ENTHD1: variants seen among roughly 807,000 people sequenced by gnomAD.
The protein encoded by ENTHD1 is ENTH domain-containing protein 1.
Under a neutral mutation model 39.1 loss-of-function variants are expected in ENTHD1, and 23 were observed. The ratio of observed to expected loss-of-function variants is 0.59; its 90% CI spans 0.42 to 0.83. The LOEUF (loss-of-function observed/expected upper bound fraction) is 0.83, where lower values mean the gene tolerates loss of function less well. Among genes scored for constraint, ENTHD1 ranks in the 40% least tolerant of loss-of-function variants. The pLI, the probability that ENTHD1 is intolerant of heterozygous loss-of-function variation, is 0.00. For synonymous variants in ENTHD1, 230 were observed against 258.2 expected (o/e 0.89, Z 1.05); for missense variants, 624 against 705.4 (o/e 0.88, Z 1.31).
chr22:39,788,669 A>G (rs557486313), intron 5 of ENTHD1, among the ~76,000 whole-genome samples: 63 of 152,304 alleles, frequency 4.1e-4, no homozygotes, highest in African/African-American at 1.5e-3. Context: ...ATGCTACCAA[A>G]CAGCATTGCA....
At chr22:39,869,467 G>A (rs2066219368) in intron 2 of ENTHD1, among the ~76,000 whole-genome samples, 1 of 152,028 alleles carries the variant, frequency 6.6e-6, no homozygotes. Context: ...CAGGACTACT[G>A]GAAGTGGGAG....
intron 3 of ENTHD1, among the ~76,000 whole-genome samples, chr22:39,847,784 C>T (rs1318716218): frequency 6.6e-6 from 1 of 152,174 alleles, no homozygotes; most frequent in African/African-American, 2.4e-5. Context: ...AAAGGTAATA[C>T]AGTTTTATTA....
chr22:39,878,069 G>A (rs1360161724), intron 2 of ENTHD1, among the ~76,000 whole-genome samples: 1 of 152,206 alleles, frequency 6.6e-6, no homozygotes, highest in Admixed American at 6.5e-5. Flanking sequence ...TGGACAGCAT[G>A]CAGCATAGAT....
chr22:39,787,939 A>T (rs920142791), intron 5 of ENTHD1, among the ~76,000 whole-genome samples: 1 of 152,190 alleles, frequency 6.6e-6, no homozygotes, highest in Non-Finnish European at 1.5e-5. Flanking sequence ...GTGGAAGCCA[A>T]TTGCTCCTTT....
rs2066311040 is a variant in ENTHD1 at position 39,878,766 on chromosome 22, G to C, written c.349+8634C>G. Among the ~76,000 whole-genome samples the C allele has an allele frequency of 2.0e-5, 3 of 151,838 alleles. No homozygotes were observed. The South Asian group carries it at 6.2e-4, about 32-fold the overall frequency. On this transcript the variant is annotated intron_variant, in intron 2 of 6. Coordinates refer to ENST00000325157, the MANE Select transcript of ENTHD1 (RefSeq NM_152512.4). ...AAAGAAATGAACTGCATCAGAAAAG[G>C]AATAAGTGAAAATAAAAACTTTCTT... is the stretch of plus-strand genomic sequence containing the variant.
chr22:39,810,588 A>G (rs1417901806), intron 5 of ENTHD1, among the ~76,000 whole-genome samples: 2 of 152,216 alleles, frequency 1.3e-5, no homozygotes, highest in African/African-American at 4.8e-5. Flanking sequence ...GCCACCATCA[A>G]AGATTTCAAA....
At chr22:39,784,448 C>A (rs1335989154) in intron 5 of ENTHD1, among the ~76,000 whole-genome samples, 1 of 151,806 alleles carries the variant, frequency 6.6e-6, no homozygotes, top group Non-Finnish European at 1.5e-5. Flanking sequence ...TTTGCATGCC[C>A]ATGTTTATTG....
chr22:39,781,480 C>T (rs895236964), intron 5 of ENTHD1, among the ~76,000 whole-genome samples: 26 of 151,994 alleles, frequency 1.7e-4, no homozygotes, highest in African/African-American at 6.3e-4. Flanking sequence ...GGAAATACAA[C>T]ATATGAAAAT....
At position 39,797,329 on chromosome 22, in the gene ENTHD1, A is replaced by G. The variant is rs1372539039; in HGVS notation, c.832+23664T>C. ...TCCATTCATTCAGTCAGTCTATATC[A>G]TTTAAGCAGAAATTTTAATTCTTTT... On this transcript the variant is annotated intron_variant, in intron 5 of 6. Transcript: ENST00000325157. Among the ~76,000 whole-genome samples, 3 of 152,214 alleles carry G rather than the reference A, an allele frequency of 2.0e-5. No homozygotes were observed. In the East Asian group the frequency reaches 5.8e-4, roughly 29 times the overall value.
chr22:39,823,837 A>G (rs1405995658), intron 4 of ENTHD1, among the ~76,000 whole-genome samples: 2 of 152,162 alleles, frequency 1.3e-5, no homozygotes, highest in Admixed American at 6.5e-5. Flanking sequence ...TGTTGTCACT[A>G]TTTTTTAATT....
Position 39,744,171 on chromosome 22 carries a change from A to T in ENTHD1, c.1332T>A (p.Pro444=). 6.2e-7 allele frequency: 1 copy of T among 1,614,148 alleles called. No homozygotes were observed. The highest frequency in any genetic ancestry group is 1.1e-5 in the South Asian group (1 of 91,084). ...GTTGATGGGACAGAGTCCAGAAGGA[A>T]GGTCCGGCCAGAATTGGTGATAAGA... ...AHLLSPILAG[P]SFWTLSHQQL... The change falls in exon 7 of 7, where the codon CCT becomes CCA. Residue 444 remains proline (P), a synonymous_variant. Transcript: ENST00000325157.
chr22:39,744,259 GA>G lies in ENTHD1; in HGVS notation c.1243del (p.Ser415LeufsTer13). The G allele has an allele frequency of 6.2e-7, 1 of 1,603,812 alleles. No homozygotes were observed. Among genetic ancestry groups the G allele is most frequent in the Non-Finnish European group, 8.5e-7 (1 of 1,176,260 alleles). On this transcript the variant is annotated frameshift_variant, in exon 7 of 7. Transcript: ENST00000325157. LOFTEE classifies it low-confidence loss of function (END_TRUNC). Reference protein sequence around the residue: ...TRVSTASEGASSFSPLSMSSP... With the variant: ...TRVSTASEGAXSFSPLSMSSP... ...TGACATGGATAAAGGAGAAAAGGAA[GA>G]TGCTCCCTCAGAAGCAGTTGAAACT...
At chr22:39,746,749 G>T (rs894750116) in intron 6 of ENTHD1, among the ~76,000 whole-genome samples, 15 of 152,172 alleles carry the variant, frequency 9.9e-5, no homozygotes, top group Non-Finnish European at 1.5e-4. Flanking sequence ...AGGCCAGCAG[G>T]GGGAGGGGGC....
intron 3 of ENTHD1, among the ~76,000 whole-genome samples, chr22:39,852,240 G>A (rs1480958795): frequency 1.3e-5 from 2 of 151,984 alleles, no homozygotes; most frequent in Admixed American, 6.6e-5. Flanking sequence ...CAGCTACTTG[G>A]GAGGCTGAGG....
chr22:39,815,607 C>T (rs536457906), intron 5 of ENTHD1, among the ~76,000 whole-genome samples: 15 of 152,238 alleles, frequency 9.9e-5, no homozygotes, highest in African/African-American at 3.1e-4. Context: ...CATATCTAAC[C>T]GTACGGCAAT....
intron 5 of ENTHD1, among the ~76,000 whole-genome samples, chr22:39,788,257 G>C (rs2065475291): frequency 6.6e-6 from 1 of 152,174 alleles, no homozygotes; most frequent in Non-Finnish European, 1.5e-5. Context: ...ATGTCATTAA[G>C]AACATTTGTG....
At chr22:39,874,209 G>A (rs1478543690) in intron 2 of ENTHD1, 2 of 152,158 alleles carry the variant, frequency 1.3e-5, no homozygotes, top group African/African-American at 2.4e-5. Flanking sequence ...TGGAATTCAC[G>A]ATGAGATATG....
At chr22:39,888,556 T>C (rs979415540) in intron 1 of ENTHD1, among the ~76,000 whole-genome samples, 12 of 151,896 alleles carry the variant, frequency 7.9e-5, no homozygotes, top group Admixed American at 6.6e-4. Flanking sequence ...GCCTCCTGAG[T>C]AGCTGGGATT....
At chr22:39,826,196 T>C (rs113237197) in intron 4 of ENTHD1, among the ~76,000 whole-genome samples, 16 of 152,326 alleles carry the variant, frequency 1.1e-4, no homozygotes, top group African/African-American at 3.8e-4. Context: ...TTGTTGATAG[T>C]AATCCCTTAC....
Sources: allele counts gnomAD v4.1 joint callset (sites outside exome capture counted in the v4.1 genomes callset), GRCh38; gene constraint gnomAD v4.1.1; transcripts MANE v1.5; gene names NCBI Gene and HGNC (gene_info 2026-07-23, HGNC 2026-07-21).